Variants in PLEKHM1 observed in about 807,000 individuals in gnomAD.
The protein encoded by PLEKHM1 is pleckstrin homology domain-containing family M member 1.
Under a neutral mutation model 94.3 loss-of-function variants are expected in PLEKHM1, and 28 were observed. That is an observed-to-expected ratio of 0.30 (90% CI 0.22 to 0.41). PLEKHM1 has a LOEUF of 0.41. Among genes scored for constraint, PLEKHM1 ranks in the 10% least tolerant of loss-of-function variants. The probability of loss-of-function intolerance (pLI) is 1.00; values close to 1 mark genes in which losing one functional copy is unlikely to be tolerated. For missense variants in PLEKHM1, 907 were observed against 1,358.6 expected (o/e 0.67, Z 5.22); for synonymous variants, 424 against 581.2 (o/e 0.73, Z 3.89).
intron 9 of PLEKHM1, among the ~76,000 whole-genome samples, chr17:45,442,114 T>G (rs916349333): frequency 3.9e-5 from 6 of 152,120 alleles, no homozygotes; most frequent in African/African-American, 1.4e-4. Context: ...CTGTGATGGC[T>G]TCCTCCCAAG....
At chr17:45,441,590 A>G (rs943691091) in intron 9 of PLEKHM1, among the ~76,000 whole-genome samples, 2 of 152,170 alleles carry the variant, frequency 1.3e-5, no homozygotes, top group African/African-American at 4.8e-5. Context: ...CTCTGACCAC[A>G]GTCGTGGAAG....
At chr17:45,451,927 G>A (rs2077606) in intron 7 of PLEKHM1, among the ~76,000 whole-genome samples, 19,437 of 152,308 alleles carry the variant, frequency 0.13, 1,584 homozygotes, top group Middle Eastern at 0.21. Context: ...AGGCTTGCAG[G>A]TGTTTTCTGC....
At chr17:45,487,519 G>A (rs1169573290) in intron 1 of PLEKHM1, among the ~76,000 whole-genome samples, 1 of 152,172 alleles carries the variant, frequency 6.6e-6, no homozygotes, top group Non-Finnish European at 1.5e-5. Context: ...CTGCCAATCA[G>A]GTTTATAGCC....
intron 9 of PLEKHM1, among the ~76,000 whole-genome samples, chr17:45,440,559 G>A (rs1179107231): frequency 1.3e-5 from 2 of 152,222 alleles, no homozygotes; most frequent in Non-Finnish European, 2.9e-5. Flanking sequence ...ATGAGAAGGA[G>A]GATGGGTGCA....
chr17:45,454,509 A>G, intron 6 of PLEKHM1: 2 of 618,520 alleles, frequency 3.2e-6, no homozygotes, highest in Non-Finnish European at 5.8e-6. Flanking sequence ...AAGAGCACCC[A>G]AAAGATCCCC....
intron 3 of PLEKHM1, chr17:45,477,111 G>A (rs1440450829): frequency 2.0e-5 from 3 of 152,708 alleles, no homozygotes; most frequent in Admixed American, 2.0e-4. Context: ...AGCCCAGACA[G>A]TTAGGGGCCA....
chr17:45,449,398 C>T (rs1363353172), intron 8 of PLEKHM1, among the ~76,000 whole-genome samples: 2 of 152,066 alleles, frequency 1.3e-5, no homozygotes, highest in Non-Finnish European at 2.9e-5. Context: ...ACCCATCTAC[C>T]CATTCACCTA....
intron 4 of PLEKHM1, among the ~76,000 whole-genome samples, chr17:45,470,816 G>A (rs1488931432): frequency 1.3e-5 from 2 of 151,244 alleles, no homozygotes; most frequent in Non-Finnish European, 3.0e-5. Flanking sequence ...CCGCCACAAC[G>A]CCCAGCTAAT....
intron 5 of PLEKHM1, among the ~76,000 whole-genome samples, chr17:45,466,831 C>A (rs2051334302): frequency 6.6e-6 from 1 of 152,016 alleles, no homozygotes. Context: ...GTGGTGGTAT[C>A]TATTAAAGGT....
chr17:45,453,960 T>C lies in PLEKHM1; in HGVS notation c.1892A>G (p.Gln631Arg), dbSNP rs765867877. The change falls in exon 7 of 12, where the codon CAG becomes CGG. Residue 631 changes from glutamine (Q) to arginine (R), a missense_variant. By Grantham distance (43) the Gln-to-Arg change is conservative. Coordinates refer to ENST00000430334, the MANE Select transcript of PLEKHM1 (RefSeq NM_014798.3). The surrounding 1 kb of genome is among the most constrained non-coding windows in gnomAD (Gnocchi z 4.1). ...REALQKVRPQ[Q>R]EDEWVNVQYP... is the part of the protein sequence containing the mutation. The stretch of plus-strand genomic sequence containing the variant: ...CTGCACGTTCACCCACTCATCCTCC[T>C]GCTGAGGCCGGACCTTCTGCAGGGC... The C allele has an allele frequency of 1.9e-6, 3 of 1,613,924 alleles. No homozygotes were observed. The South Asian group carries it at 3.3e-5, about 18-fold the overall frequency.
At position 45,437,877 on chromosome 17, in the gene PLEKHM1, TC is replaced by T; in HGVS notation, c.3151del (p.Glu1051AsnfsTer15). The T allele has an allele frequency of 1.2e-6, 2 of 1,613,930 alleles. No homozygotes were observed. Among genetic ancestry groups the T allele is most frequent in the Non-Finnish European group, 1.7e-6 (2 of 1,179,948 alleles). On this transcript the variant is annotated frameshift_variant, in exon 12 of 12. Coordinates refer to ENST00000430334, the MANE Select transcript of PLEKHM1 (RefSeq NM_014798.3). LOFTEE classifies it high-confidence loss of function. This position sits in a 1 kb window ranked among gnomAD's most constrained non-coding sequence, Gnocchi z 4.0. ...PRCARRRKYQ[E>X]QNIFA The stretch of plus-strand genomic sequence containing the variant: ...TGGGCATCAGGCGAAAATGTTCTGT[TC>T]CTGGTACTTGCGCCGGCGGGCACAG...
intron 4 of PLEKHM1, among the ~76,000 whole-genome samples, chr17:45,470,578 G>A (rs533037688): frequency 4.2e-3 from 633 of 151,862 alleles, no homozygotes; most frequent in Non-Finnish European, 3.2e-3. Flanking sequence ...GCAGTGAGCC[G>A]AGATCACACC....
downstream of PLEKHM1, among the ~76,000 whole-genome samples, chr17:45,435,206 C>A (rs1369207245): frequency 4.6e-5 from 7 of 152,112 alleles, no homozygotes; most frequent in Admixed American, 6.5e-5. Context: ...GCAGAGGGTG[C>A]CACCTTGTAA....
At chr17:45,474,781 T>C (rs2051655769) in intron 4 of PLEKHM1, among the ~76,000 whole-genome samples, 1 of 152,074 alleles carries the variant, frequency 6.6e-6, no homozygotes, top group Non-Finnish European at 1.5e-5. Flanking sequence ...AATCCTCCTG[T>C]ATCAGCCTCC....
At chr17:45,461,824 G>A (rs1390193095) in intron 5 of PLEKHM1, among the ~76,000 whole-genome samples, 2 of 152,146 alleles carry the variant, frequency 1.3e-5, no homozygotes, top group Non-Finnish European at 2.9e-5. Context: ...ATGGGGTTGC[G>A]GGGAGCATCT....
At chr17:45,489,565 A>G (rs3972613) in intron 1 of PLEKHM1, among the ~76,000 whole-genome samples, 21,575 of 151,762 alleles carry the variant, frequency 0.14, 1,775 homozygotes, top group Middle Eastern at 0.21. Flanking sequence ...ATGAATGCCA[A>G]AAACACAATC....
chr17:45,449,595 C>T (rs2050709393), intron 8 of PLEKHM1, among the ~76,000 whole-genome samples: 1 of 151,854 alleles, frequency 6.6e-6, no homozygotes, highest in Admixed American at 6.6e-5. Flanking sequence ...TCCATCCATC[C>T]ACCAACCCAT....
rs561587976 is a variant in PLEKHM1, at chr17:45,458,357, A to C, written c.1391T>G (p.Ile464Arg). ...QPLESASDHP[I>R]ASYRGTPGSR... ...CCCTGGAGTCCCCCTGTAAGAAGCT[A>C]TTGGGTGGTCTGAAGCACTCTCCAG... Residue 464 changes from isoleucine (I) to arginine (R), a missense_variant, in exon 6 of 12, where the codon ATA becomes AGA. Coordinates refer to ENST00000430334, the MANE Select transcript of PLEKHM1 (RefSeq NM_014798.3). 1 of 1,613,838 alleles carries C rather than the reference A, an allele frequency of 6.2e-7. No homozygotes were observed. Among genetic ancestry groups the C allele is most frequent in the African/African-American group, 1.3e-5 (1 of 74,920 alleles).
At chr17:45,460,217 G>A (rs1447222996) in intron 5 of PLEKHM1, 1 of 152,156 alleles carries the variant, frequency 6.6e-6, no homozygotes, top group African/African-American at 2.4e-5. Context: ...TTCTTCCTTA[G>A]ATTCTCCAGA....
Sources: allele counts gnomAD v4.1 joint callset (sites outside exome capture counted in the v4.1 genomes callset), GRCh38; gene constraint gnomAD v4.1.1; non-coding constraint Gnocchi (gnomAD v3.1); transcripts MANE v1.5; gene names NCBI Gene and HGNC (gene_info 2026-07-23, HGNC 2026-07-21).